The following FOXP2 variants were observed in gnomAD, a reference collection of about 807,000 sequenced individuals.
FOXP2 encodes forkhead box P2.
FOXP2 carries 12 observed loss-of-function variants against 115.8 expected under a neutral mutation model. That is an observed-to-expected ratio of 0.10 (90% CI 0.07 to 0.17). The LOEUF is 0.17. FOXP2 is among the 10% of genes least tolerant of loss of function. FOXP2 has a pLI of 1.00. For missense variants in FOXP2, 629 were observed against 843.5 expected (o/e 0.75, Z 3.15); for synonymous variants, 328 against 297.7 (o/e 1.10, Z -1.05).
chr7:114,475,964 G>C (rs978053354), intron 2 of FOXP2, among the ~76,000 whole-genome samples: 2 of 151,748 alleles, frequency 1.3e-5, no homozygotes, highest in African/African-American at 4.8e-5. Flanking sequence ...ACATATACAT[G>C]TACCCCCTAT....
At chr7:114,298,955 G>C (rs568334117) in intron 2 of FOXP2, among the ~76,000 whole-genome samples, 7 of 152,056 alleles carry the variant, frequency 4.6e-5, no homozygotes, top group African/African-American at 1.7e-4. Flanking sequence ...TGAACCATAC[G>C]TACAAAATTA....
At position 114,477,229 on chromosome 7, in the gene FOXP2, C is replaced by G. The variant is rs1796314841; in HGVS notation, c.168+50550C>G. On this transcript the variant is annotated intron_variant, in intron 2 of 16. Coordinates refer to ENST00000350908, the MANE Select transcript of FOXP2 (RefSeq NM_014491.4). ...CCCATATGTTCATTGTTACGCTATT[C>G]ACAAAAGCAGAGACATGAAATCAAC... Among the ~76,000 whole-genome samples, 3 of 151,966 alleles carry G rather than the reference C, an allele frequency of 2.0e-5. No individual in the cohort carries two copies. The South Asian group carries it at 6.2e-4, about 32-fold the overall frequency.
chr7:114,401,591 T>A (rs1291339885), intron 2 of FOXP2, among the ~76,000 whole-genome samples: 2 of 152,196 alleles, frequency 1.3e-5, no homozygotes, highest in Non-Finnish European at 2.9e-5. Context: ...GAATATTGTC[T>A]TTCAGTTTGG....
chr7:114,203,986 A>T (rs1279420327), intron 1 of FOXP2, among the ~76,000 whole-genome samples: 5 of 152,108 alleles, frequency 3.3e-5, no homozygotes, highest in South Asian at 2.1e-4. Flanking sequence ...ACATGTTTTT[A>T]AAAAAATCCA....
rs574122167 is a variant in FOXP2 at position 114,167,957 on chromosome 7, C to T, written c.-102+4869C>T. Among the ~76,000 whole-genome samples the T allele has an allele frequency of 9.0e-5, 13 of 144,634 alleles. No individual in the cohort carries two copies. In the East Asian group the frequency reaches 1.4e-3, roughly 16 times the overall value. 94.9% of individuals were successfully genotyped at this position (144,634 alleles called of 152,430 possible). On this transcript the variant is annotated intron_variant, in intron 1 of 17. Transcript: ENST00000634411. Reference sequence around the variant, plus strand: ...TCTCAAAAAAAAAAAAAAAAAAACACGAGAGTTTGCCTGCACAAGCTCTCT... The same window carrying T: ...TCTCAAAAAAAAAAAAAAAAAAACATGAGAGTTTGCCTGCACAAGCTCTCT...
intron 2 of FOXP2, among the ~76,000 whole-genome samples, chr7:114,353,614 T>C (rs1484367854): frequency 3.9e-5 from 6 of 152,162 alleles, no homozygotes; most frequent in African/African-American, 1.4e-4. Context: ...CTTTCTCTAA[T>C]AGCACTTTAC....
intron 1 of FOXP2, among the ~76,000 whole-genome samples, chr7:114,176,298 T>TTC (rs1554426487): frequency 0.25 from 18,795 of 76,148 alleles, 1,905 homozygotes; most frequent in South Asian, 0.37. Flanking sequence ...CTTTCTTTCT[T>TTC]TCTCTCTCTC....
At chr7:114,315,566 T>A (rs1430017440) in intron 2 of FOXP2, among the ~76,000 whole-genome samples, 1 of 152,116 alleles carries the variant, frequency 6.6e-6, no homozygotes, top group Non-Finnish European at 1.5e-5. Context: ...TTTTTAGTTT[T>A]ATTTTCTGTC....
intron 1 of FOXP2, among the ~76,000 whole-genome samples, chr7:114,254,215 C>T (rs2129170055): frequency 6.6e-6 from 1 of 152,290 alleles, no homozygotes; most frequent in East Asian, 1.9e-4. Flanking sequence ...TTCTCTCTGG[C>T]TGCCCTTAAC....
chr7:114,155,790 C>T (rs1055101893), intron 1 of FOXP2, among the ~76,000 whole-genome samples: 8 of 151,964 alleles, frequency 5.3e-5, no homozygotes, highest in Admixed American at 4.6e-4. Flanking sequence ...AAAACGTTTT[C>T]GATCAGGAAT....
At chr7:114,522,949 A>G (rs1056163156) in intron 2 of FOXP2, among the ~76,000 whole-genome samples, 1 of 151,894 alleles carries the variant, frequency 6.6e-6, no homozygotes, top group Non-Finnish European at 1.5e-5. Flanking sequence ...CCTTACAAAC[A>G]TAAATTTCAA....
intron 1 of FOXP2, among the ~76,000 whole-genome samples, chr7:114,205,171 T>G (rs2129160433): frequency 6.6e-6 from 1 of 152,282 alleles, no homozygotes; most frequent in East Asian, 1.9e-4. Flanking sequence ...ATTACTCTGT[T>G]TTTTGAAATG....
rs532862609 is a variant in FOXP2, at chr7:114,176,993, T to C, written c.-102+13905T>C. Among the ~76,000 whole-genome samples the C allele has an allele frequency of 5.9e-5, 9 of 152,266 alleles. No homozygotes were observed. The South Asian group carries it at 1.7e-3, about 28-fold the overall frequency. ...CTGGGCTTTTTTTCTCAATATTAGC[T>C]GTATGAACTTCCTCCCTGTTATTGT... On this transcript the variant is annotated intron_variant, in intron 1 of 17. Coordinates refer to the FOXP2 transcript ENST00000634411.
At chr7:114,323,219 T>C (rs1797471575) in intron 2 of FOXP2, among the ~76,000 whole-genome samples, 1 of 152,156 alleles carries the variant, frequency 6.6e-6, no homozygotes, top group Non-Finnish European at 1.5e-5. Context: ...ATTTTAATTT[T>C]ACAACAAATA....
At chr7:114,301,067 G>A (rs1796868991) in intron 2 of FOXP2, among the ~76,000 whole-genome samples, 1 of 151,926 alleles carries the variant, frequency 6.6e-6, no homozygotes, top group African/African-American at 2.4e-5. Flanking sequence ...TGATTGATAT[G>A]CTGAAATTAG....
At chr7:114,591,928 G>A (rs980111058) in intron 3 of FOXP2, among the ~76,000 whole-genome samples, 24 of 152,190 alleles carry the variant, frequency 1.6e-4, no homozygotes, top group African/African-American at 4.1e-4. Flanking sequence ...AATATGGCTA[G>A]TGTGACTGAG....
At chr7:114,119,029 T>G (rs1791486092) in intron 1 of FOXP2, among the ~76,000 whole-genome samples, 1 of 152,176 alleles carries the variant, frequency 6.6e-6, no homozygotes, top group South Asian at 2.1e-4. Context: ...GGAATTAAAT[T>G]AATTCCCAAA....
intron 1 of FOXP2, among the ~76,000 whole-genome samples, chr7:114,155,784 C>T (rs1281705084): frequency 1.3e-5 from 2 of 152,054 alleles, no homozygotes; most frequent in African/African-American, 4.8e-5. Context: ...TTTATTAAAA[C>T]GTTTTCGATC....
intron 1 of FOXP2, among the ~76,000 whole-genome samples, chr7:114,145,434 T>TTC (rs371488587): frequency 0.012 from 725 of 61,458 alleles, 13 homozygotes; most frequent in Non-Finnish European, 0.013. Context: ...TTGCCATTTT[T>TTC]TCTTTTCTTT....
Sources: allele counts gnomAD v4.1 joint callset (sites outside exome capture counted in the v4.1 genomes callset), GRCh38; gene constraint gnomAD v4.1.1; transcripts MANE v1.5; gene names NCBI Gene and HGNC (gene_info 2026-07-23, HGNC 2026-07-21).